The following PSMC4 variants were observed in gnomAD, a reference collection of about 807,000 sequenced individuals.
PSMC4 encodes the protein proteasome 26S subunit, ATPase 4, also known as 26S proteasome regulatory subunit 6B.
Under a neutral mutation model 48.4 loss-of-function variants are expected in PSMC4, and 13 were observed. The observed-to-expected ratio is 0.27, with a 90% confidence interval of 0.18 to 0.43. PSMC4 has a LOEUF of 0.43. PSMC4 is among the 20% of genes least tolerant of loss of function. The pLI is 1.00. For synonymous variants in PSMC4, 202 were observed against 212.3 expected, an observed-to-expected ratio of 0.95 and a Z score of 0.42; for missense variants, 262 against 555.9, an observed-to-expected ratio of 0.47 and a Z score of 5.32.
At chr19:39,978,631 C>T (rs1210443916) in intron 6 of PSMC4, among the ~76,000 whole-genome samples, 1 of 152,112 alleles carries the variant, frequency 6.6e-6, no homozygotes, top group Admixed American at 6.5e-5. Flanking sequence ...CTGCATGTCT[C>T]CCTTCTCTGG....
At chr19:39,977,437 G>A (rs1210046667) in intron 6 of PSMC4, among the ~76,000 whole-genome samples, 1 of 152,118 alleles carries the variant, frequency 6.6e-6, no homozygotes, top group African/African-American at 2.4e-5. Flanking sequence ...TTTGTCACTG[G>A]CAGAGGGAGG....
chr19:39,980,823 G>A lies in PSMC4; in HGVS notation c.1143+106G>A. Reference sequence around the variant, plus strand: ...TCCCCTCATGGCTGCCCTGGGTCGTGGGCGCCATCTCTCTCTTCCTCTACC... The same window carrying A: ...TCCCCTCATGGCTGCCCTGGGTCGTAGGCGCCATCTCTCTCTTCCTCTACC... On this transcript the variant is annotated intron_variant, in intron 10 of 10. Transcript: ENST00000157812. The surrounding 1 kb of genome is among the most constrained non-coding windows in gnomAD (Gnocchi z 4.8). 4 of 1,129,928 alleles carry A rather than the reference G, an allele frequency of 3.5e-6. No homozygotes were observed. Among genetic ancestry groups the A allele is most frequent in the Non-Finnish European group, 5.4e-6 (4 of 744,160 alleles). The allele number at this position is 1,129,928 out of a possible 1,614,324, so 70.0% of individuals were successfully genotyped here.
rs372534701 is a variant in PSMC4, at chr19:39,980,324, G to A, written c.957G>A (p.Pro319=). ...CAAACAGAGCAGACACCCTGGATCC[G>A]GCCCTGCTACGGCCAGGACGGCTGG... ...MATNRADTLD[P]ALLRPGRLDR... Residue 319 remains proline (P), a synonymous_variant, in exon 9 of 11, where the codon CCG becomes CCA. Coordinates refer to ENST00000157812, the MANE Select transcript of PSMC4 (RefSeq NM_006503.4). The surrounding 1 kb of genome is among the most constrained non-coding windows in gnomAD (Gnocchi z 4.8). 10 of 1,613,940 alleles carry A rather than the reference G, an allele frequency of 6.2e-6. No homozygotes were observed. In the East Asian group the frequency reaches 8.9e-5, roughly 14 times the overall value.
At position 39,972,047 on chromosome 19, in the gene PSMC4, A is replaced by G. The variant is rs1568373621; in HGVS notation, c.37-99A>G. On this transcript the variant is annotated intron_variant, in intron 1 of 10. Coordinates refer to ENST00000157812, the MANE Select transcript of PSMC4 (RefSeq NM_006503.4). ...AGGGGTCTGTTAGGGGCTAAGTGAC[A>G]TCAGGGTGAAGTGGGGAGGGGAACA... is the stretch of plus-strand genomic sequence containing the variant. The G allele has an allele frequency of 8.0e-6, 9 of 1,131,446 alleles. No individual in the cohort carries two copies. The Admixed American group carries it at 1.3e-4, about 16-fold the overall frequency. 70.1% of individuals were successfully genotyped at this position (1,131,446 alleles called of 1,614,324 possible).
chr19:39,974,663 G>GAGGC lies in PSMC4; in HGVS notation c.579+31_579+34dup. On this transcript the variant is annotated intron_variant, in intron 5 of 10. Transcript: ENST00000157812. This position sits in a 1 kb window ranked among gnomAD's most constrained non-coding sequence, Gnocchi z 5.5. ...GGCGGTGCAGGTGGCAGGGAAGGGA[G>GAGGC]AGGCCCCATTGGGTCTGGGGTTGGA... is the stretch of plus-strand genomic sequence containing the variant. The GAGGC allele has an allele frequency of 6.2e-7, 1 of 1,612,684 alleles. No individual in the cohort carries two copies. Among genetic ancestry groups the GAGGC allele is most frequent in the East Asian group, 2.2e-5 (1 of 44,864 alleles).
intron 6 of PSMC4, among the ~76,000 whole-genome samples, chr19:39,975,267 T>A (rs577640429): frequency 2.0e-4 from 30 of 151,826 alleles, no homozygotes; most frequent in Admixed American, 4.6e-4. Context: ...TCTTCAAAAA[T>A]ATATATATAT....
At position 39,980,750 on chromosome 19, in the gene PSMC4, C is replaced by G; in HGVS notation, c.1143+33C>G. On this transcript the variant is annotated intron_variant, in intron 10 of 10. Transcript: ENST00000157812. This position sits in a 1 kb window ranked among gnomAD's most constrained non-coding sequence, Gnocchi z 4.8. ...GTGGTTTCTCTCTGGATCCAGGCAG[C>G]GGGTGTGTGAGGACCCTTCTTCTCT... is the stretch of plus-strand genomic sequence containing the variant. 6.2e-7 allele frequency: 1 copy of G among 1,604,600 alleles called. No homozygotes were observed. Among genetic ancestry groups the G allele is most frequent in the South Asian group, 1.1e-5 (1 of 90,862 alleles).
At chr19:39,975,226 A>C (rs751127861) in intron 6 of PSMC4, among the ~76,000 whole-genome samples, 8 of 152,186 alleles carry the variant, frequency 5.3e-5, no homozygotes, top group Non-Finnish European at 8.8e-5. Context: ...CTTGTTTCAT[A>C]CAGATGTGCA....
chr19:39,979,510 G>A (rs962733318), intron 6 of PSMC4: 19 of 210,308 alleles, frequency 9.0e-5, no homozygotes, highest in South Asian at 1.9e-4. Context: ...GTGGTGAGCC[G>A]AGATTGTGCT....
At chr19:39,975,487 C>T (rs905710933) in intron 6 of PSMC4, among the ~76,000 whole-genome samples, 1 of 151,504 alleles carries the variant, frequency 6.6e-6, no homozygotes, top group Non-Finnish European at 1.5e-5. Flanking sequence ...TTTTAAAGCC[C>T]TAAAATCTTA....
chr19:39,975,651 T>C (rs1192080395), intron 6 of PSMC4, among the ~76,000 whole-genome samples: 2 of 152,150 alleles, frequency 1.3e-5, no homozygotes, highest in Non-Finnish European at 2.9e-5. Context: ...TCTCTGTGAC[T>C]CAGTTTCCTC....
intron 6 of PSMC4, 98 bp from the exon 7 acceptor site, chr19:39,979,719 G>T: frequency 7.9e-7 from 1 of 1,258,676 alleles, no homozygotes. Context: ...GGGTATCCAA[G>T]GAAAAGGATG....
chr19:39,980,846 A>T lies in PSMC4; in HGVS notation c.1143+129A>T. ...GTGGGCGCCATCTCTCTCTTCCTCT[A>T]CCATCACTAGGGGTGGATAGTACAG... On this transcript the variant is annotated intron_variant, in intron 10 of 10. Transcript: ENST00000157812. This position sits in a 1 kb window ranked among gnomAD's most constrained non-coding sequence, Gnocchi z 4.8. 2 of 909,226 alleles carry T rather than the reference A, an allele frequency of 2.2e-6. No individual in the cohort carries two copies. The highest frequency in any genetic ancestry group is 3.6e-6 in the Non-Finnish European group (2 of 553,010). The allele number at this position is 909,226 out of a possible 1,614,324, so 56.3% of individuals were successfully genotyped here.
At chr19:39,979,107 C>T (rs1457576048) in intron 6 of PSMC4, among the ~76,000 whole-genome samples, 1 of 152,206 alleles carries the variant, frequency 6.6e-6, no homozygotes, top group Non-Finnish European at 1.5e-5. Context: ...TTATAGCAAA[C>T]AGGAACTCAG....
At position 39,981,353 on chromosome 19, in the gene PSMC4, G is replaced by A. The variant is rs753402107; in HGVS notation, c.*48G>A. The A allele has an allele frequency of 1.1e-5, 15 of 1,326,628 alleles. No individual in the cohort carries two copies. Among genetic ancestry groups the A allele is most frequent in the South Asian group, 3.5e-5 (3 of 84,902 alleles). The allele number at this position is 1,326,628 out of a possible 1,614,324, so 82.2% of individuals were successfully genotyped here. On this transcript the variant is annotated 3_prime_UTR_variant, in exon 11 of 11. Transcript: ENST00000157812. The stretch of plus-strand genomic sequence containing the variant: ...CCACTCAGGGGCTGGGGCTTCTCTC[G>A]CACCCCCAGCACCTCTGTCCCAAAA...
chr19:39,971,409 G>C (rs1971098533), intron 1 of PSMC4, among the ~76,000 whole-genome samples, 171 bp downstream of exon 1: 1 of 152,176 alleles, frequency 6.6e-6, no homozygotes, highest in African/African-American at 2.4e-5. Context: ...GGGTGGCCGA[G>C]TGATGGTAGG....
chr19:39,975,820 C>T (rs1237795935), intron 6 of PSMC4, among the ~76,000 whole-genome samples: 4 of 152,128 alleles, frequency 2.6e-5, no homozygotes, highest in Admixed American at 6.6e-5. Flanking sequence ...TGTACCAAGC[C>T]TTGTGCTGGA....
In PSMC4 at chr19:39,980,670, C is replaced by T; in HGVS notation, c.1096C>T (p.Arg366Trp). The T allele has an allele frequency of 3.1e-6, 5 of 1,614,008 alleles. No homozygotes were observed. The highest frequency in any genetic ancestry group is 4.2e-6 in the Non-Finnish European group (5 of 1,179,962). The stretch of plus-strand genomic sequence containing the variant: ...TCCTTAACTCGCTGCAGATGTGGCC[C>T]GGCCAGATAAGATTTCAGGAGCTGA... ...EEVDLEDYVA[R>W]PDKISGADIN... Residue 366 changes from arginine (R) to tryptophan (W), a missense_variant, in exon 10 of 11, where the codon CGG (arginine) becomes TGG (tryptophan). By Grantham distance (101) the Arg-to-Trp change is moderately radical. Transcript: ENST00000157812. The surrounding 1 kb of genome is among the most constrained non-coding windows in gnomAD (Gnocchi z 4.8).
chr19:39,972,109 T>C, intron 1 of PSMC4, 37 bp from the exon 2 acceptor site: 4 of 1,572,248 alleles, frequency 2.5e-6, no homozygotes, highest in Middle Eastern at 1.7e-4. Context: ...ATGAGAGGAC[T>C]GTCTTCTTCC....
Sources: gnomAD v4.1 joint callset for allele counts (sites outside exome capture counted in the v4.1 genomes callset) on GRCh38, gnomAD v4.1.1 for gene constraint, Gnocchi (gnomAD v3.1) non-coding constraint, MANE v1.5 for transcripts, NCBI Gene and HGNC (gene_info 2026-07-23, HGNC 2026-07-21) for gene names.